The following ZIM2 variants were observed in gnomAD, a reference collection of about 807,000 sequenced individuals.
The protein encoded by ZIM2 is zinc finger imprinted 2.
Under a neutral mutation model 38.6 loss-of-function variants are expected in ZIM2, and 14 were observed. The observed-to-expected ratio is 0.36, with a 90% CI of 0.24 to 0.57. ZIM2 has a LOEUF of 0.57. Ranked by LOEUF, ZIM2 falls within the 20% of genes least tolerant of loss-of-function variation. The pLI is 0.81. For synonymous variants in ZIM2, 247 were observed against 245.8 expected (o/e 1.00, Z -0.04); for missense variants, 680 against 695.1 (o/e 0.98, Z 0.24).
chr19:56,803,409 T>C (rs901586412), intron 9 of ZIM2, among the ~76,000 whole-genome samples: 4 of 152,196 alleles, frequency 2.6e-5, no homozygotes, highest in African/African-American at 9.6e-5. Context: ...GGAGGGCAGA[T>C]GTGCTATGTT....
chr19:56,823,520 C>T, intron 5 of ZIM2, 70 bp downstream of exon 5: 2 of 1,586,944 alleles, frequency 1.3e-6, no homozygotes, highest in South Asian at 2.2e-5. Flanking sequence ...AGGCCCCAAC[C>T]CACTGTGTCT....
At position 56,823,670 on chromosome 19, in the gene ZIM2, T is replaced by C; in HGVS notation, c.26A>G (p.Asn9Ser). MYQPEDDNNSDVTSDDDMT... is the reference protein window; with the variant it reads MYQPEDDNSSDVTSDDDMT... ...GTCGTCGTCGCTGGTCACGTCACTG[T>C]TGTTGTCGTCTAAGAGGACACCGGT... The change falls in exon 5 of 13, where the codon AAC becomes AGC. Residue 9 changes from asparagine (N) to serine (S), a missense_variant. Transcript: ENST00000629319. 1 of 1,614,066 alleles carries C rather than the reference T, an allele frequency of 6.2e-7. No homozygotes were observed.
chr19:56,792,717 C>T (rs963052267), intron 9 of ZIM2, among the ~76,000 whole-genome samples: 1 of 152,072 alleles, frequency 6.6e-6, no homozygotes, highest in Non-Finnish European at 1.5e-5. Context: ...ACTATGTTCA[C>T]TACTTGGGTG....
intron 7 of ZIM2, among the ~76,000 whole-genome samples, chr19:56,819,702 C>G (rs902430057): frequency 1.3e-5 from 2 of 152,222 alleles, no homozygotes; most frequent in Admixed American, 1.3e-4. Context: ...GAGTATCTAT[C>G]TGCTTTGCAA....
At position 56,774,603 on chromosome 19, in the gene ZIM2, C is replaced by T. The variant is rs1313973666; in HGVS notation, c.*85G>A. 1.3e-6 allele frequency: 2 copies of T among 1,489,000 alleles called. No individual in the cohort carries two copies. The highest frequency in any genetic ancestry group is 2.3e-5 in the East Asian group (1 of 43,694). The allele number at this position is 1,489,000 out of a possible 1,614,324, so 92.2% of individuals were successfully genotyped here. A position where few individuals can be genotyped will look rare whatever the true frequency, so the allele number is the denominator to read the frequency against. On this transcript the variant is annotated 3_prime_UTR_variant, in exon 13 of 13. Coordinates refer to ENST00000629319, the MANE Select transcript of ZIM2 (RefSeq NM_001387356.1). ...TGTTCAAGTTGTTAACAAGGTGGGGCTAGTGAAAGGCCTTCTCACACTCAC... is the reference window on the plus strand; with the variant it reads ...TGTTCAAGTTGTTAACAAGGTGGGGTTAGTGAAAGGCCTTCTCACACTCAC...
intron 9 of ZIM2, chr19:56,817,341 T>G: frequency 6.2e-7 from 1 of 1,614,086 alleles, no homozygotes; most frequent in Non-Finnish European, 8.5e-7. Context: ...ATGCATTCCC[T>G]TCATAAACCC....
rs148581485 is a variant in ZIM2, at chr19:56,775,233, C to T, written c.1132G>A (p.Glu378Lys). Residue 378 changes from glutamate to lysine, a missense_variant, in exon 13 of 13, where the codon GAA becomes AAA. Physicochemically the swap from Glu to Lys is moderately conservative, Grantham distance 56. Coordinates refer to ENST00000629319, the MANE Select transcript of ZIM2 (RefSeq NM_001387356.1). ...FSTQVALRRHERIHTGKKPYE... is the reference protein window; with the variant it reads ...FSTQVALRRHKRIHTGKKPYE... ...GGTTTCTTCCCAGTATGGATCCGTT[C>T]GTGTCTCCTAAGGGCTACTTGCGTA... 35 of 1,613,994 alleles carry T rather than the reference C, an allele frequency of 2.2e-5. No homozygotes were observed. Among genetic ancestry groups the T allele is most frequent in the African/African-American group, 4.0e-5 (3 of 74,894 alleles).
At chr19:56,837,033 T>C (rs992760488) in intron 1 of ZIM2, among the ~76,000 whole-genome samples, 11 of 146,800 alleles carry the variant, frequency 7.5e-5, no homozygotes, top group Non-Finnish European at 1.5e-4. Flanking sequence ...AAGCGTCATA[T>C]GTGTCACTTT....
At position 56,817,454 on chromosome 19, in the gene ZIM2, T is replaced by C. The variant is rs761028162; in HGVS notation, c.490+292A>G. 19 of 1,614,008 alleles carry C rather than the reference T, an allele frequency of 1.2e-5. No individual in the cohort carries two copies. Among genetic ancestry groups the C allele is most frequent in the Admixed American group, 1.7e-5 (1 of 60,010 alleles). On this transcript the variant is annotated intron_variant, in intron 9 of 12. Transcript: ENST00000629319. ...GACCGGTCGCTTGACTCCCTTGCTC[T>C]TCCCGATTTGGAACTGCGTGACACA... is the stretch of plus-strand genomic sequence containing the variant.
chr19:56,783,675 G>A (rs1192404474), intron 10 of ZIM2, among the ~76,000 whole-genome samples: 1 of 152,138 alleles, frequency 6.6e-6, no homozygotes, highest in Non-Finnish European at 1.5e-5. Context: ...AATACAAGAG[G>A]AGGCAGGGAG....
Position 56,822,792 on chromosome 19 carries a change from G to A in ZIM2, c.151C>T (p.Pro51Ser). ...DRRGRSRDME[P>S]RDRWSHTRNP... ...CTGGTGTGGGACCAGCGGTCTCGTG[G>A]CTCCATGTCTCTGCTTCTGCCCCTC... Residue 51 changes from proline (P) to serine (S), a missense_variant, in exon 6 of 13, where the codon CCA (proline) becomes TCA (serine). Transcript: ENST00000629319. The A allele has an allele frequency of 6.2e-7, 1 of 1,614,084 alleles. No homozygotes were observed. Among genetic ancestry groups the A allele is most frequent in the South Asian group, 1.1e-5 (1 of 91,054 alleles).
At chr19:56,832,233 T>C (rs1219109401) in intron 2 of ZIM2, among the ~76,000 whole-genome samples, 1 of 152,212 alleles carries the variant, frequency 6.6e-6, no homozygotes, top group East Asian at 1.9e-4. Flanking sequence ...TTGTTTTCCT[T>C]CCTGCCCAGC....
At chr19:56,815,308 T>C in intron 9 of ZIM2, 1 of 1,614,252 alleles carries the variant, frequency 6.2e-7, no homozygotes, top group Non-Finnish European at 8.5e-7. Flanking sequence ...TGTGTTGAGG[T>C]CTTCGCTGGT....
rs145274958 is a variant in ZIM2 at position 56,815,478 on chromosome 19, C to G, written c.490+2268G>C. 251 of 1,614,158 alleles carry G rather than the reference C, an allele frequency of 1.6e-4. 1 individual carries two copies. In the African/African-American group the frequency reaches 3.0e-3, roughly 19 times the overall value. On this transcript the variant is annotated intron_variant, in intron 9 of 12. Transcript: ENST00000629319. ...AGGGCTTCTCCCTATCATGAATCTT[C>G]TGGTGCTCAGTGAGGTCAGAGCTAT...
chr19:56,805,386 T>A (rs1239315272), intron 9 of ZIM2, among the ~76,000 whole-genome samples: 1 of 151,924 alleles, frequency 6.6e-6, no homozygotes, highest in Non-Finnish European at 1.5e-5. Flanking sequence ...CCAATAAGAG[T>A]CCTACATCCC....
intron 2 of ZIM2, chr19:56,833,226 T>TTTACTTTACTTTCTA: frequency 2.0e-6 from 1 of 503,492 alleles, no homozygotes; most frequent in South Asian, 1.5e-5. Context: ...CCCATTTCTA[T>TTTACTTTACTTTCTA]TTACTTACTT....
chr19:56,788,081 G>A (rs2046720059), intron 10 of ZIM2, among the ~76,000 whole-genome samples: 1 of 142,192 alleles, frequency 7.0e-6, no homozygotes, highest in Admixed American at 7.0e-5. Context: ...TTTTTGAAGG[G>A]TTTTTTTTTT....
chr19:56,838,565 A>G (rs933105317), intron 1 of ZIM2, among the ~76,000 whole-genome samples: 31 of 152,298 alleles, frequency 2.0e-4, no homozygotes, highest in African/African-American at 6.7e-4. Context: ...TGTGGTGAAC[A>G]AAGTCTTGGT....
At chr19:56,815,581 G>A (rs868068825) in intron 9 of ZIM2, 1 of 1,614,022 alleles carries the variant, frequency 6.2e-7, no homozygotes, top group East Asian at 2.2e-5. Flanking sequence ...AAAAGGCAGA[G>A]AGTGAATTAC....
Sources: allele counts gnomAD v4.1 joint callset (sites outside exome capture counted in the v4.1 genomes callset), GRCh38; gene constraint gnomAD v4.1.1; transcripts MANE v1.5; gene names NCBI Gene and HGNC (gene_info 2026-07-23, HGNC 2026-07-21).